The following CEP112 variants were observed in gnomAD, a reference collection of about 807,000 sequenced individuals.
CEP112 encodes the protein centrosomal protein 112, also known as centrosomal protein of 112 kDa.
CEP112 carries 127 observed loss-of-function variants against 153.0 expected under a neutral mutation model. The ratio of observed to expected loss-of-function variants is 0.83; its 90% CI spans 0.72 to 0.96. CEP112 has a LOEUF of 0.96. Among genes scored for constraint, CEP112 ranks in the 40% least tolerant of loss-of-function variants. CEP112 has a pLI of 0.00. For synonymous variants in CEP112, 358 were observed against 374.4 expected (o/e 0.96, Z 0.51); for missense variants, 1,089 against 1,101.2 (o/e 0.99, Z 0.16).
At chr17:66,169,613 G>A (rs908898994) in intron 4 of CEP112, among the ~76,000 whole-genome samples, 1 of 152,060 alleles carries the variant, frequency 6.6e-6, no homozygotes, top group Non-Finnish European at 1.5e-5. Context: ...AGGTGTGGAT[G>A]TCTATTGTAA....
intron 18 of CEP112, among the ~76,000 whole-genome samples, chr17:65,958,976 G>T (rs935499199): frequency 2.6e-5 from 4 of 152,158 alleles, no homozygotes; most frequent in South Asian, 4.1e-4. Flanking sequence ...GCTGCAGAGG[G>T]GAGCTACCAA....
chr17:66,000,720 A>G (rs890252086), intron 17 of CEP112, among the ~76,000 whole-genome samples: 5 of 152,086 alleles, frequency 3.3e-5, no homozygotes, highest in African/African-American at 9.7e-5. Context: ...AAGAGGAGGG[A>G]GGAGGAAACA....
At chr17:66,105,771 T>A (rs1478704573) in intron 6 of CEP112, among the ~76,000 whole-genome samples, 1 of 152,052 alleles carries the variant, frequency 6.6e-6, no homozygotes, top group Non-Finnish European at 1.5e-5. Context: ...CCAGCCTGGG[T>A]AACAGAGCCA....
intron 8 of CEP112, among the ~76,000 whole-genome samples, chr17:66,078,787 C>A (rs1223441347): frequency 6.6e-6 from 1 of 151,980 alleles, no homozygotes; most frequent in Non-Finnish European, 1.5e-5. Flanking sequence ...AGATTTAGAG[C>A]TCCTTTTAGC....
chr17:65,808,504 T>A lies in CEP112; in HGVS notation c.2394+43300A>T, dbSNP rs142879157. On this transcript the variant is annotated intron_variant, in intron 21 of 26. Coordinates refer to ENST00000535342, the MANE Select transcript of CEP112 (RefSeq NM_001199165.4). ...TTTGGCTCTGTGTCCCCAACCAAAT[T>A]TCATCTTGAATTGTAATCCTCACGT... 9.2e-3 allele frequency among the ~76,000 whole-genome samples: 1,402 copies of A among 152,206 alleles called. 8 individuals are homozygous for A. Among genetic ancestry groups the A allele is most frequent in the Non-Finnish European group, 0.015 (1,006 of 67,990 alleles).
intron 16 of CEP112, among the ~76,000 whole-genome samples, chr17:66,011,221 T>A (rs1225471519): frequency 1.3e-5 from 2 of 152,160 alleles, no homozygotes; most frequent in Non-Finnish European, 1.5e-5. Context: ...CATCTCAATT[T>A]CCTTCAGTTC....
intron 21 of CEP112, among the ~76,000 whole-genome samples, chr17:65,835,218 T>C (rs1295698868): frequency 7.1e-6 from 1 of 141,510 alleles, no homozygotes; most frequent in East Asian, 2.1e-4. Flanking sequence ...AAAGACTTAA[T>C]AGGACATCAG....
intron 3 of CEP112, among the ~76,000 whole-genome samples, chr17:66,176,122 AAACT>A (rs1326588894): frequency 5.3e-5 from 8 of 152,366 alleles, no homozygotes; most frequent in African/African-American, 1.9e-4. Context: ...TGCTTTAAGT[AAACT>A]AATAAAAGTT....
intron 17 of CEP112, among the ~76,000 whole-genome samples, chr17:65,974,447 C>T (rs1300909526): frequency 6.6e-6 from 1 of 152,104 alleles, no homozygotes; most frequent in Non-Finnish European, 1.5e-5. Context: ...GGAAAATTTG[C>T]CACTACATAA....
chr17:65,994,238 T>G (rs2063701315), intron 17 of CEP112, among the ~76,000 whole-genome samples: 1 of 152,178 alleles, frequency 6.6e-6, no homozygotes. Context: ...CACCATGCAC[T>G]TTTTCCCTTG....
chr17:65,684,359 C>T (rs2047680732), intron 24 of CEP112, among the ~76,000 whole-genome samples: 1 of 152,068 alleles, frequency 6.6e-6, no homozygotes, highest in Non-Finnish European at 1.5e-5. Context: ...ACTGAGTGAT[C>T]AATGTAATTA....
In CEP112 at chr17:65,951,749, C is replaced by CCCGCCCG. The variant is rs71160510; in HGVS notation, c.1872+9713_1872+9714insCGGGCGG. On this transcript the variant is annotated intron_variant, in intron 18 of 26. Transcript: ENST00000535342. The stretch of plus-strand genomic sequence containing the variant: ...TCTGCTCTAATCTTCCCCCGCCCCC[C>CCCGCCCG]CCTTTCTTCCACTTGCTTAGAAGCT... Among the ~76,000 whole-genome samples the CCCGCCCG allele has an allele frequency of 1.1e-4, 12 of 106,240 alleles. 1 individual carries two copies. In the East Asian group the frequency reaches 3.1e-3, roughly 28 times the overall value. The allele number at this position is 106,240 out of a possible 152,430, so 69.7% of individuals were successfully genotyped here.
At chr17:65,734,553 A>C (rs1283462996) in intron 23 of CEP112, among the ~76,000 whole-genome samples, 1 of 152,248 alleles carries the variant, frequency 6.6e-6, no homozygotes, top group Non-Finnish European at 1.5e-5. Flanking sequence ...TAATATTTTA[A>C]TAGAAAAATA....
chr17:66,067,642 T>C (rs552094909), intron 9 of CEP112, among the ~76,000 whole-genome samples: 5 of 152,288 alleles, frequency 3.3e-5, no homozygotes, highest in African/African-American at 1.2e-4. Context: ...ACTGTAAAAA[T>C]TATATTATAG....
At chr17:65,671,204 A>G (rs1567841250) in intron 24 of CEP112, among the ~76,000 whole-genome samples, 1 of 152,108 alleles carries the variant, frequency 6.6e-6, no homozygotes, top group Non-Finnish European at 1.5e-5. Flanking sequence ...GGGGGTCAGG[A>G]ATCTGAAGGT....
rs1364405860 is a variant in CEP112, at chr17:65,689,110, A to G, written c.2697+19T>C. The G allele has an allele frequency of 1.9e-6, 3 of 1,552,020 alleles. No homozygotes were observed. Among genetic ancestry groups the G allele is most frequent in the East Asian group, 2.2e-5 (1 of 44,536 alleles). Reference sequence around the variant, plus strand: ...TAGAGAAAGTAAACAAGAGAGTCAAATAGTAAAGGAGAGGGTACCTGTTCC... The same window carrying G: ...TAGAGAAAGTAAACAAGAGAGTCAAGTAGTAAAGGAGAGGGTACCTGTTCC... On this transcript the variant is annotated intron_variant, in intron 24 of 26. Coordinates refer to ENST00000535342, the MANE Select transcript of CEP112 (RefSeq NM_001199165.4).
intron 16 of CEP112, among the ~76,000 whole-genome samples, chr17:66,025,708 T>C (rs2065172306): frequency 6.6e-6 from 1 of 152,026 alleles, no homozygotes; most frequent in African/African-American, 2.4e-5. Context: ...GGTGGGAATG[T>C]AAATTAGTAT....
At position 65,655,090 on chromosome 17, in the gene CEP112, T is replaced by G. The variant is rs575061203; in HGVS notation, c.2698-14025A>C. On this transcript the variant is annotated intron_variant, in intron 24 of 26. Coordinates refer to ENST00000535342, the MANE Select transcript of CEP112 (RefSeq NM_001199165.4). ...AACCTATGATCATTGGCACCAATAA[T>G]GTGTTTAAAGTTGGCGTCATTCCCA... 147 of 700,340 alleles carry G rather than the reference T, an allele frequency of 2.1e-4. No homozygotes were observed. The African/African-American group carries it at 2.2e-3, about 10-fold the overall frequency. 43.4% of individuals were successfully genotyped at this position (700,340 alleles called of 1,614,324 possible).
intron 16 of CEP112, among the ~76,000 whole-genome samples, chr17:66,016,035 G>GT (rs1419319829): frequency 4.6e-5 from 7 of 152,140 alleles, no homozygotes; most frequent in Non-Finnish European, 1.0e-4. Context: ...CTATGTGATC[G>GT]TAAGTCTGCT....
Sources: allele counts gnomAD v4.1 joint callset (sites outside exome capture counted in the v4.1 genomes callset), GRCh38; gene constraint gnomAD v4.1.1; transcripts MANE v1.5; gene names NCBI Gene and HGNC (gene_info 2026-07-23, HGNC 2026-07-21).